Variants in ZNF469 observed in about 807,000 individuals in gnomAD.
ZNF469 encodes zinc finger protein 469.
ZNF469 carries 1 observed loss-of-function variant against 1.0 expected under a neutral mutation model. The observed-to-expected ratio is 1.00, with a 90% CI of 0.35 to 4.73. The LOEUF is 4.73. ZNF469 is among the 30% of genes most tolerant of loss of function. The pLI, the probability that ZNF469 is intolerant of heterozygous loss-of-function variation, is 0.16. For missense variants in ZNF469, 6,100 were observed against 5,356.3 expected (o/e 1.14, Z -4.33); for synonymous variants, 2,703 against 2,363.4 (o/e 1.14, Z -4.17).
In ZNF469 at chr16:88,436,489, G is replaced by A. The variant is rs886881362; in HGVS notation, c.9019G>A (p.Asp3007Asn). 4.0e-5 allele frequency: 62 copies of A among 1,547,558 alleles called. No individual in the cohort carries two copies. Among genetic ancestry groups the A allele is most frequent in the Non-Finnish European group, 5.1e-5 (59 of 1,146,966 alleles). Residue 3007 changes from aspartate to asparagine, a missense_variant, in exon 3 of 3, where the codon GAT becomes AAT. Coordinates refer to ENST00000565624, the MANE Select transcript of ZNF469 (RefSeq NM_001367624.2). ...WRGLEMPAPA[D>N]DSSSSLGDVS... ...AGGCCTGGAGATGCCGGCCCCTGCC[G>A]ATGACTCCTCCTCTTCTCTCGGAGA... is the stretch of plus-strand genomic sequence containing the variant.
chr16:88,434,647 A>G lies in ZNF469; in HGVS notation c.7177A>G (p.Met2393Val). Residue 2393 changes from methionine to valine, a missense_variant, in exon 3 of 3, where the codon ATG (methionine) becomes GTG (valine). Coordinates refer to ENST00000565624, the MANE Select transcript of ZNF469 (RefSeq NM_001367624.2). ...GACCGGGCGCTCTGGTGCTACCAAG[A>G]TGCCCAGGGTCACCTGCCCTTCCAC... The part of the protein sequence containing the change: ...PETGRSGATK[M>V]PRVTCPSTGL... 6.5e-7 allele frequency: 1 copy of G among 1,550,306 alleles called. No homozygotes were observed. The highest frequency in any genetic ancestry group is 8.7e-7 in the Non-Finnish European group (1 of 1,146,934).
chr16:88,335,688 G>T, the ZNF469 span, among the ~76,000 whole-genome samples: 1 of 152,254 alleles, frequency 6.6e-6, no homozygotes, highest in African/African-American at 2.4e-5. Context: ...GCCTCGATAA[G>T]CATCGAATCA....
the ZNF469 span, among the ~76,000 whole-genome samples, chr16:88,224,031 T>C: frequency 7.9e-5 from 12 of 152,238 alleles, no homozygotes; most frequent in Non-Finnish European, 1.8e-4. Context: ...TTCTTTCAAA[T>C]GATAAGAGCG....
rs1184026029 is a variant in ZNF469, at chr16:88,433,175, T to C, written c.5705T>C (p.Ile1902Thr). ...RSQDPALSPP[I>T]RQLQLPGPGV... ...CAGGACCCAGCTTTGAGCCCCCCCA[T>C]ACGTCAGCTCCAGCTCCCAGGGCCT... Residue 1902 changes from isoleucine to threonine, a missense_variant, in exon 3 of 3, where the codon ATA (isoleucine) becomes ACA (threonine). Coordinates refer to ENST00000565624, the MANE Select transcript of ZNF469 (RefSeq NM_001367624.2). 4 of 1,550,232 alleles carry C rather than the reference T, an allele frequency of 2.6e-6. No homozygotes were observed. Among genetic ancestry groups the C allele is most frequent in the East Asian group, 4.9e-5 (2 of 40,904 alleles).
At chr16:88,188,143 C>G in the ZNF469 span, among the ~76,000 whole-genome samples, 3 of 152,232 alleles carry the variant, frequency 2.0e-5, no homozygotes, top group East Asian at 5.8e-4. Context: ...TGCCGTGACC[C>G]CTGCCTGGGG....
At position 88,428,279 on chromosome 16, in the gene ZNF469, G is replaced by T. The variant is rs1252356082; in HGVS notation, c.809G>T (p.Gly270Val). The T allele has an allele frequency of 6.5e-7, 1 of 1,550,378 alleles. No individual in the cohort carries two copies. Among genetic ancestry groups the T allele is most frequent in the Non-Finnish European group, 8.7e-7 (1 of 1,146,942 alleles). ...KGSRPGGSPR[G>V]VSFQFPFPAL... ...AGCAGGCCCGGCGGCAGCCCCAGGG[G>T]AGTTTCCTTCCAGTTCCCCTTCCCG... The change falls in exon 3 of 3, where the codon GGA (glycine) becomes GTA (valine). Residue 270 changes from glycine (G) to valine (V), a missense_variant. Physicochemically the swap from Gly to Val is moderately radical, Grantham distance 109 (BLOSUM62 -3). Transcript: ENST00000565624.
the ZNF469 span, among the ~76,000 whole-genome samples, chr16:88,103,128 C>T: frequency 2.6e-5 from 4 of 152,266 alleles, no homozygotes; most frequent in South Asian, 2.1e-4. Flanking sequence ...TTCTGGCGGA[C>T]GCCCCTTCTG....
At chr16:88,231,696 C>T in the ZNF469 span, among the ~76,000 whole-genome samples, 1 of 152,210 alleles carries the variant, frequency 6.6e-6, no homozygotes. The surrounding 1 kb of genome is among the most constrained non-coding windows in gnomAD (Gnocchi z 4.5). Flanking sequence ...CACACCTCCT[C>T]CTCCTGTGAG....
the ZNF469 span, among the ~76,000 whole-genome samples, chr16:88,273,326 C>G: frequency 6.6e-6 from 1 of 151,572 alleles, no homozygotes; most frequent in Non-Finnish European, 1.5e-5. Flanking sequence ...AGTAGTTCCT[C>G]AATAATATCC....
the ZNF469 span, among the ~76,000 whole-genome samples, chr16:88,270,039 T>C: frequency 3.2e-4 from 49 of 152,336 alleles, no homozygotes; most frequent in African/African-American, 1.1e-3. Flanking sequence ...CTGCCTCCTG[T>C]AGACGGGGCA....
At position 88,431,069 on chromosome 16, in the gene ZNF469, A is replaced by C. The variant is rs1315393675; in HGVS notation, c.3599A>C (p.Lys1200Thr). The C allele has an allele frequency of 2.6e-6, 4 of 1,549,450 alleles. No individual in the cohort carries two copies. Among genetic ancestry groups the C allele is most frequent in the Non-Finnish European group, 3.5e-6 (4 of 1,146,854 alleles). Reference sequence around the variant, plus strand: ...GCTGATCGCCCCTCAGTGGCCCCCAAGGATCCCCTGCAGGTCCCCACCAAC... The same window carrying C: ...GCTGATCGCCCCTCAGTGGCCCCCACGGATCCCCTGCAGGTCCCCACCAAC... ...KCADRPSVAPKDPLQVPTNTE... is the reference protein window; with the variant it reads ...KCADRPSVAPTDPLQVPTNTE... Residue 1200 changes from lysine (K) to threonine (T), a missense_variant, in exon 3 of 3, where the codon AAG becomes ACG. Coordinates refer to ENST00000565624, the MANE Select transcript of ZNF469 (RefSeq NM_001367624.2).
In ZNF469 at chr16:88,430,916, A is replaced by G. The variant is rs1312860686; in HGVS notation, c.3446A>G (p.Asp1149Gly). 2.0e-6 allele frequency: 3 copies of G among 1,536,420 alleles called. No homozygotes were observed. In the South Asian group the frequency reaches 3.6e-5, roughly 18 times the overall value. ...GCGGCGAGGCAGGAAGCCGGCGGGG[A>G]CGGAGCCCCCGCGAACCCCGAGGAG... is the stretch of plus-strand genomic sequence containing the variant. The part of the protein sequence containing the change: ...RKAARQEAGG[D>G]GAPANPEEPG... The change falls in exon 3 of 3, where the codon GAC becomes GGC. Residue 1149 changes from aspartate (D) to glycine (G), a missense_variant. Transcript: ENST00000565624.
chr16:88,426,506 C>G (rs1905707628), intron 2 of ZNF469, among the ~76,000 whole-genome samples: 1 of 152,268 alleles, frequency 6.6e-6, no homozygotes, highest in Admixed American at 6.5e-5. Context: ...GAAGCCAGCC[C>G]TGGGTGAGCA....
chr16:88,204,618 G>T, the ZNF469 span, among the ~76,000 whole-genome samples: 36 of 152,320 alleles, frequency 2.4e-4, 1 homozygote, highest in Admixed American at 2.1e-3. Flanking sequence ...GTTGTGAGCC[G>T]CCTTGGCCAG....
At chr16:88,172,809 T>A in the ZNF469 span, among the ~76,000 whole-genome samples, 1 of 152,224 alleles carries the variant, frequency 6.6e-6, no homozygotes, top group African/African-American at 2.4e-5. Context: ...AGAAATTTAA[T>A]ACCTGAAATG....
At chr16:88,280,023 C>G in the ZNF469 span, among the ~76,000 whole-genome samples, 1 of 151,312 alleles carries the variant, frequency 6.6e-6, no homozygotes. Context: ...TGCTGACACT[C>G]AGTCAGTACC....
intron 1 of ZNF469, among the ~76,000 whole-genome samples, chr16:88,390,679 G>C (rs900789834): frequency 6.6e-6 from 1 of 152,220 alleles, no homozygotes; most frequent in African/African-American, 2.4e-5. Flanking sequence ...CCCTCCAGAG[G>C]GTAGAAGCCA....
In ZNF469 at chr16:88,440,049, C is replaced by G. The variant is rs1273503012; in HGVS notation, c.*717C>G. 1 of 154,704 alleles carries G rather than the reference C, an allele frequency of 6.5e-6. No homozygotes were observed. Among genetic ancestry groups the G allele is most frequent in the Non-Finnish European group, 1.4e-5 (1 of 69,692 alleles). The allele number at this position is 154,704 out of a possible 1,614,324, so 9.6% of individuals were successfully genotyped here. On this transcript the variant is annotated 3_prime_UTR_variant, in exon 3 of 3. Coordinates refer to ENST00000565624, the MANE Select transcript of ZNF469 (RefSeq NM_001367624.2). ...CCGCCCCTGTGCCAGCTCCCGCGGG[C>G]CCTCCTCGTTCCCTCCCAGCCTCCA...
Position 88,428,368 on chromosome 16 carries a change from G to A in ZNF469, c.898G>A (p.Gly300Arg), listed in dbSNP as rs1351001013. 1.9e-6 allele frequency: 3 copies of A among 1,548,718 alleles called. No homozygotes were observed. In the East Asian group the frequency reaches 7.3e-5, roughly 38 times the overall value. The change falls in exon 3 of 3, where the codon GGG becomes AGG. Residue 300 changes from glycine to arginine, a missense_variant. Physicochemically the swap from Gly to Arg is moderately radical, Grantham distance 125. Coordinates refer to ENST00000565624, the MANE Select transcript of ZNF469 (RefSeq NM_001367624.2). ...ADVAGHAFTNGPLVFAFHQPQ... is the reference protein window; with the variant it reads ...ADVAGHAFTNRPLVFAFHQPQ... The stretch of plus-strand genomic sequence containing the variant: ...TGTGGCTGGGCACGCATTCACCAAT[G>A]GGCCACTGGTGTTTGCCTTCCATCA...
Sources: gnomAD v4.1 joint callset for allele counts (sites outside exome capture counted in the v4.1 genomes callset) on GRCh38, gnomAD v4.1.1 for gene constraint, Gnocchi (gnomAD v3.1) non-coding constraint, MANE v1.5 for transcripts, NCBI Gene and HGNC (gene_info 2026-07-23, HGNC 2026-07-21) for gene names.